The following SGCZ variants were observed in gnomAD, a reference collection of about 807,000 sequenced individuals.
SGCZ encodes zeta-sarcoglycan.
SGCZ carries 40 observed loss-of-function variants against 41.3 expected under a neutral mutation model. The observed-to-expected ratio is 0.97, with a 90% CI of 0.75 to 1.26. SGCZ has a LOEUF of 1.26. Ranked by LOEUF, SGCZ falls within the 50% of genes most tolerant of loss-of-function variation. The probability of loss-of-function intolerance (pLI) is 0.00; values close to 1 mark genes in which losing one functional copy is unlikely to be tolerated. For missense variants in SGCZ, 552 were observed against 369.8 expected, an observed-to-expected ratio of 1.49 and a Z score of -4.04; for synonymous variants, 206 against 137.5, an observed-to-expected ratio of 1.50 and a Z score of -3.49.
chr8:14,863,940 T>G (rs1314847448), intron 1 of SGCZ, among the ~76,000 whole-genome samples: 4 of 152,140 alleles, frequency 2.6e-5, no homozygotes, highest in African/African-American at 9.7e-5. Flanking sequence ...AGAACTTTGT[T>G]CGGTACAAAA....
intron 1 of SGCZ, among the ~76,000 whole-genome samples, chr8:14,984,115 CATAA>C (rs996252560): frequency 3.3e-5 from 5 of 152,130 alleles, no homozygotes; most frequent in African/African-American, 4.8e-5. Context: ...CAACCACACA[CATAA>C]ATATAGAGAG....
chr8:15,170,824 T>C (rs1445187571), intron 1 of SGCZ, among the ~76,000 whole-genome samples: 1 of 152,216 alleles, frequency 6.6e-6, no homozygotes, highest in Non-Finnish European at 1.5e-5. Context: ...ATATGGACTA[T>C]ATAAAATGAA....
intron 5 of SGCZ, among the ~76,000 whole-genome samples, chr8:14,144,862 A>G (rs1228297221): frequency 6.6e-6 from 1 of 151,948 alleles, no homozygotes; most frequent in Non-Finnish European, 1.5e-5. Context: ...TGTGGCCTGG[A>G]GTGGTGGTGG....
In SGCZ at chr8:15,193,794, T is replaced by G. The variant is rs572757877; in HGVS notation, c.39+43791A>C. ...TTTTTCATGGGTGGTACCATTAGGC[T>G]TTACGTAATCAATAATTTAGCCAAA... On this transcript the variant is annotated intron_variant, in intron 1 of 7. Coordinates refer to ENST00000382080, the MANE Select transcript of SGCZ (RefSeq NM_139167.4). Among the ~76,000 whole-genome samples, 350 of 152,328 alleles carry G rather than the reference T, an allele frequency of 2.3e-3. 1 individual carries two copies. The highest frequency in any genetic ancestry group is 4.1e-3 in the Non-Finnish European group (282 of 68,036).
intron 3 of SGCZ, among the ~76,000 whole-genome samples, chr8:14,275,473 G>C (rs936157669): frequency 3.3e-5 from 5 of 152,104 alleles, no homozygotes; most frequent in Non-Finnish European, 7.4e-5. Context: ...CTGTCTTCAT[G>C]TGTCAAAGGG....
At chr8:14,842,982 G>A (rs986777083) in intron 1 of SGCZ, among the ~76,000 whole-genome samples, 5 of 152,314 alleles carry the variant, frequency 3.3e-5, no homozygotes, top group Admixed American at 1.3e-4. Flanking sequence ...GGAGGCCAAG[G>A]CGAGCGGATC....
At chr8:14,349,575 G>A (rs983843245) in intron 2 of SGCZ, among the ~76,000 whole-genome samples, 10 of 152,024 alleles carry the variant, frequency 6.6e-5, no homozygotes, top group Non-Finnish European at 7.4e-5. Context: ...CAACATTGGG[G>A]GTAAAAGACT....
chr8:15,138,479 A>T (rs957612479), intron 1 of SGCZ, among the ~76,000 whole-genome samples: 1 of 151,998 alleles, frequency 6.6e-6, no homozygotes, highest in African/African-American at 2.4e-5. Flanking sequence ...TCTCATCTTG[A>T]ATTGTAGCTC....
At chr8:14,617,719 C>T (rs886841947) in intron 1 of SGCZ, among the ~76,000 whole-genome samples, 4 of 151,824 alleles carry the variant, frequency 2.6e-5, no homozygotes, top group Non-Finnish European at 5.9e-5. Flanking sequence ...GACTGAAATG[C>T]AAAGAGATAG....
intron 1 of SGCZ, among the ~76,000 whole-genome samples, chr8:14,783,295 A>C (rs886661716): frequency 6.6e-6 from 1 of 152,114 alleles, no homozygotes; most frequent in African/African-American, 2.4e-5. Flanking sequence ...TTAACTGGGC[A>C]TGGTGCTGAG....
At chr8:15,220,311 T>G (rs1434403329) in intron 1 of SGCZ, among the ~76,000 whole-genome samples, 1 of 152,194 alleles carries the variant, frequency 6.6e-6, no homozygotes, top group Non-Finnish European at 1.5e-5. Flanking sequence ...TGCTATCTAG[T>G]CTTATTCCAT....
At chr8:14,284,853 C>T (rs1358852378) in intron 3 of SGCZ, among the ~76,000 whole-genome samples, 1 of 152,052 alleles carries the variant, frequency 6.6e-6, no homozygotes, top group Non-Finnish European at 1.5e-5. Flanking sequence ...CTGTTTAATG[C>T]TGAGATCATC....
chr8:14,198,528 C>T (rs1225439775), intron 4 of SGCZ, among the ~76,000 whole-genome samples: 2 of 151,698 alleles, frequency 1.3e-5, no homozygotes, highest in African/African-American at 4.9e-5. Context: ...AGTTGTAGTA[C>T]AAACCCCAGT....
chr8:14,368,717 C>A (rs1206720140), intron 2 of SGCZ, among the ~76,000 whole-genome samples: 1 of 151,942 alleles, frequency 6.6e-6, no homozygotes, highest in Admixed American at 6.6e-5. Context: ...CCTAAGTCTG[C>A]AGATCCTGGT....
Position 15,136,953 on chromosome 8 carries a change from A to G in SGCZ, c.39+100632T>C, listed in dbSNP as rs369225841. Among the ~76,000 whole-genome samples the G allele has an allele frequency of 3.7e-4, 56 of 152,296 alleles. No homozygotes were observed. The East Asian group carries it at 0.01, about 28-fold the overall frequency. On this transcript the variant is annotated intron_variant, in intron 1 of 7. Transcript: ENST00000382080. ...GATGGAACAGTTTGGAGGGCTCAGA[A>G]CAAGACAGGAAAATGTGGGAAAGTT...
chr8:14,300,621 T>C (rs1801154647), intron 3 of SGCZ, among the ~76,000 whole-genome samples: 1 of 151,944 alleles, frequency 6.6e-6, no homozygotes, highest in Non-Finnish European at 1.5e-5. Context: ...AACTTGGGAG[T>C]GCCTCACAAT....
At chr8:14,120,877 T>A (rs1802676347) in intron 5 of SGCZ, among the ~76,000 whole-genome samples, 1 of 152,146 alleles carries the variant, frequency 6.6e-6, no homozygotes, top group Non-Finnish European at 1.5e-5. Context: ...ATAAATTTAA[T>A]GCAATCTTAA....
rs182732767 is a variant in SGCZ at position 14,533,344 on chromosome 8, G to A, written c.234+21388C>T. ...TGTATTAGCAACACTAAAAAAATTG[G>A]ACCTTTTCTTATCAAATTAAAATAT... On this transcript the variant is annotated intron_variant, in intron 2 of 7. Transcript: ENST00000382080. Among the ~76,000 whole-genome samples the A allele has an allele frequency of 5.1e-3, 781 of 151,760 alleles. 3 individuals are homozygous for A. The highest frequency in any genetic ancestry group is 7.5e-3 in the Non-Finnish European group (511 of 67,926).
intron 1 of SGCZ, among the ~76,000 whole-genome samples, chr8:15,204,412 A>G (rs1800995173): frequency 6.6e-6 from 1 of 152,168 alleles, no homozygotes; most frequent in Non-Finnish European, 1.5e-5. Flanking sequence ...TTAAATCCAC[A>G]TTATCTGTAA....
Sources: gnomAD v4.1 joint callset for allele counts (sites outside exome capture counted in the v4.1 genomes callset) on GRCh38, gnomAD v4.1.1 for gene constraint, MANE v1.5 for transcripts, NCBI Gene and HGNC (gene_info 2026-07-23, HGNC 2026-07-21) for gene names.